Variants in RPS6KL1 observed in about 807,000 individuals in gnomAD.
RPS6KL1 encodes ribosomal protein S6 kinase-like 1.
A neutral mutation model predicts 57.0 loss-of-function variants in RPS6KL1; 41 were observed. The observed-to-expected ratio is 0.72, with a 90% confidence interval of 0.56 to 0.93. The LOEUF is 0.93. Among genes scored for constraint, RPS6KL1 ranks in the 40% least tolerant of loss-of-function variants. The pLI, the probability that RPS6KL1 is intolerant of heterozygous loss-of-function variation, is 0.00. For missense variants in RPS6KL1, 697 were observed against 727.7 expected (o/e 0.96, Z 0.49); for synonymous variants, 287 against 309.7 (o/e 0.93, Z 0.77).
rs1172835077 is a variant in RPS6KL1, at chr14:74,906,403, C to CGGGGGGGGGGGGGGGGG, written c.*610_*611insCCCCCCCCCCCCCCCCC. The CGGGGGGGGGGGGGGGGG allele has an allele frequency of 4.8e-6, 1 of 210,250 alleles. No individual in the cohort carries two copies. The allele number at this position is 210,250 out of a possible 1,614,324, so 13.0% of individuals were successfully genotyped here. The stretch of plus-strand genomic sequence containing the variant: ...CAAGATAGGGGGCATGGTCAGGAAT[C>CGGGGGGGGGGGGGGGGG]GGGGGTGGGGGGGTGGGGGTGGGGG... On this transcript the variant is annotated 3_prime_UTR_variant, in exon 12 of 12. Transcript: ENST00000557413.
intron 3 of RPS6KL1, among the ~76,000 whole-genome samples, chr14:74,920,833 C>T (rs1887711018): frequency 1.3e-5 from 2 of 152,198 alleles, no homozygotes; most frequent in African/African-American, 4.8e-5. Flanking sequence ...GGGCAGGAGC[C>T]CAGCCCAGCT....
chr14:74,922,707 G>A (rs116119860), intron 1 of RPS6KL1, among the ~76,000 whole-genome samples: 1,847 of 152,336 alleles, frequency 0.012, 36 homozygotes, highest in African/African-American at 0.037. Flanking sequence ...GAAGGGAAGG[G>A]GCTCAGAGAG....
At chr14:74,917,642 G>A (rs1359956400) in intron 5 of RPS6KL1, among the ~76,000 whole-genome samples, 2 of 152,172 alleles carry the variant, frequency 1.3e-5, no homozygotes, top group Non-Finnish European at 2.9e-5. Context: ...CTCTAACAAT[G>A]AGTGCCCCGA....
At chr14:74,921,822 G>A (rs1468301419) in intron 2 of RPS6KL1, 156 bp downstream of exon 2, 4 of 1,016,672 alleles carry the variant, frequency 3.9e-6, no homozygotes, top group Non-Finnish European at 5.1e-6. Context: ...ATGTCACCCA[G>A]GCTGGATTGC....
In RPS6KL1 at chr14:74,921,234, C is replaced by A. The variant is rs774482809; in HGVS notation, c.265+43G>T. ...GGTGACAGGAAGAGCCCTGCACTGG[C>A]CCTTCCCCACCCACCCCAGCCCTGC... is the stretch of plus-strand genomic sequence containing the variant. On this transcript the variant is annotated intron_variant, in intron 3 of 11. Transcript: ENST00000557413. 5.5e-5 allele frequency: 48 copies of A among 872,196 alleles called. No homozygotes were observed. In the South Asian group the frequency reaches 6.3e-4, roughly 11 times the overall value. 54.0% of individuals were successfully genotyped at this position (872,196 alleles called of 1,614,324 possible).
chr14:74,922,530 T>G (rs1316999432), intron 1 of RPS6KL1, 45 bp from the exon 2 acceptor site: 1 of 171,336 alleles, frequency 5.8e-6, no homozygotes. Context: ...GGTGCCACGT[T>G]GGATGGGGGG....
At chr14:74,907,674 T>C (rs1451680015) in intron 10 of RPS6KL1, 144 bp from the exon 11 acceptor site, 15 of 757,662 alleles carry the variant, frequency 2.0e-5, no homozygotes, top group Non-Finnish European at 2.7e-5. Flanking sequence ...ACACAGTGCC[T>C]GATGGCTAAG....
rs892237144 is a variant in RPS6KL1 at position 74,905,623 on chromosome 14, T to G, written c.*1391A>C. On this transcript the variant is annotated 3_prime_UTR_variant, in exon 12 of 12. Transcript: ENST00000557413. ...GCCCCAATGAGCCGTGGTCATTGCA[T>G]GGAAGAAGCGAGAACACCGTAGGCC... The G allele has an allele frequency of 3.3e-5, 5 of 152,230 alleles. No homozygotes were observed. The highest frequency in any genetic ancestry group is 5.9e-5 in the Non-Finnish European group (4 of 68,080). 9.4% of individuals were successfully genotyped at this position (152,230 alleles called of 1,614,324 possible). A position where few individuals can be genotyped will look rare whatever the true frequency, so the allele number is the denominator to read the frequency against.
At chr14:74,914,465 A>G (rs931815292) in intron 5 of RPS6KL1, among the ~76,000 whole-genome samples, 1 of 152,242 alleles carries the variant, frequency 6.6e-6, no homozygotes, top group African/African-American at 2.4e-5. Context: ...ACACTGAAAG[A>G]TTTCTGTTAA....
intron 2 of RPS6KL1, 117 bp downstream of exon 2, chr14:74,921,861 T>G (rs933970752): frequency 1.9e-6 from 1 of 533,548 alleles, no homozygotes; most frequent in Non-Finnish European, 2.6e-6. Context: ...CACTGCAACC[T>G]CCACTTCCCA....
chr14:74,921,238 T>TGGCCCCCCCCCCCCCCCCCCC, intron 3 of RPS6KL1, 39 bp downstream of exon 3: 1 of 840,170 alleles, frequency 1.2e-6, no homozygotes, highest in Non-Finnish European at 2.0e-6. Context: ...CACTGGCCCT[T>TGGCCCCCCCCCCCCCCCCCCC]CCCCACCCAC....
chr14:74,909,991 G>A lies in RPS6KL1; in HGVS notation c.822C>T (p.Asp274=), dbSNP rs577118188. ...RLPSGHAPGQ[D]RIALEPPRTS... ...TCCTAGGAGGCTCCAGGGCGATTCT[G>A]TCCTGGCCAGGGGCATGGCCTGAGG... The change falls in exon 8 of 12, where the codon GAC becomes GAT. Residue 274 remains aspartate (D), a synonymous_variant. Transcript: ENST00000557413. 3 of 1,614,116 alleles carry A rather than the reference G, an allele frequency of 1.9e-6. No homozygotes were observed. In the South Asian group the frequency reaches 3.3e-5, roughly 18 times the overall value.
chr14:74,911,229 G>T lies in RPS6KL1; in HGVS notation c.664+19C>A. The T allele has an allele frequency of 6.2e-7, 1 of 1,609,436 alleles. No individual in the cohort carries two copies. ...CCCAAAGGCCTGGGGAGCTGACAGG[G>T]GGCCCCAGGCCTGCTCACCTTGCAC... On this transcript the variant is annotated intron_variant, in intron 7 of 11. Transcript: ENST00000557413.
Position 74,921,520 on chromosome 14 carries a change from A to G in RPS6KL1, c.22T>C (p.Cys8Arg). The change falls in exon 3 of 12, where the codon TGC becomes CGC. Residue 8 changes from cysteine to arginine, a missense_variant. Transcript: ENST00000557413. Reference protein sequence around the residue: MSLVACECLPSPGLEPEP... With the variant: MSLVACERLPSPGLEPEP... ...GGCTCCAGGCCGGGGCTGGGCAGGC[A>G]CTCACAGGCCACCAGGCTCATGGCT... The G allele has an allele frequency of 6.2e-7, 1 of 1,614,024 alleles. No homozygotes were observed. Among genetic ancestry groups the G allele is most frequent in the Non-Finnish European group, 8.5e-7 (1 of 1,180,008 alleles).
chr14:74,909,461 G>T (rs1885519239), intron 8 of RPS6KL1, 82 bp downstream of exon 8: 1 of 1,490,558 alleles, frequency 6.7e-7, no homozygotes. Flanking sequence ...AACCTTGGAG[G>T]TCCCCTCGAC....
In RPS6KL1 at chr14:74,906,886, GGACA is replaced by G; in HGVS notation, c.*124_*127del. ...CTGAGGCCCCAGTGGGAGCCCAGCA[GGACA>G]GACAGTGCCCTCCATTCCTCGCCCA... On this transcript the variant is annotated 3_prime_UTR_variant, in exon 12 of 12. Transcript: ENST00000557413. 1 of 820,084 alleles carries G rather than the reference GGACA, an allele frequency of 1.2e-6. No homozygotes were observed. Among genetic ancestry groups the G allele is most frequent in the Non-Finnish European group, 2.2e-6 (1 of 459,446 alleles). The allele number at this position is 820,084 out of a possible 1,614,324, so 50.8% of individuals were successfully genotyped here. A position where few individuals can be genotyped will look rare whatever the true frequency, so the allele number is the denominator to read the frequency against.
intron 5 of RPS6KL1, among the ~76,000 whole-genome samples, chr14:74,917,121 A>G (rs1566830003): frequency 6.6e-6 from 1 of 152,214 alleles, no homozygotes; most frequent in Non-Finnish European, 1.5e-5. Flanking sequence ...AAGCAGCTGG[A>G]GTAAGGCCCG....
chr14:74,907,496 G>C lies in RPS6KL1; in HGVS notation c.1478C>G (p.Ala493Gly). Residue 493 changes from alanine to glycine, a missense_variant, in exon 11 of 12, where the codon GCC (alanine) becomes GGC (glycine). Ala to Gly is a moderately conservative substitution (Grantham distance 60, BLOSUM62 0). Coordinates refer to ENST00000557413, the MANE Select transcript of RPS6KL1 (RefSeq NM_031464.5). ...LSQSHPSGIQAHTQLQLPEWL... is the reference protein window; with the variant it reads ...LSQSHPSGIQGHTQLQLPEWL... The stretch of plus-strand genomic sequence containing the variant: ...CTCGGGCAGCTGGAGCTGGGTGTGG[G>C]CCTGGATTCCTGAAGGGTGGCTCTG... The C allele has an allele frequency of 6.3e-7, 1 of 1,585,398 alleles. No individual in the cohort carries two copies. Among genetic ancestry groups the C allele is most frequent in the Non-Finnish European group, 8.6e-7 (1 of 1,165,836 alleles).
chr14:74,904,145 G>A lies in RPS6KL1; in HGVS notation c.*2869C>T, dbSNP rs909685227. 2 of 152,236 alleles carry A rather than the reference G, an allele frequency of 1.3e-5. No individual in the cohort carries two copies. Among genetic ancestry groups the A allele is most frequent in the Non-Finnish European group, 2.9e-5 (2 of 68,052 alleles). The allele number at this position is 152,236 out of a possible 1,614,324, so 9.4% of individuals were successfully genotyped here. A position where few individuals can be genotyped will look rare whatever the true frequency, so the allele number is the denominator to read the frequency against. ...AAGATGTACAGTGGTTTGGTCTGGA[G>A]AGGCAGGACAGCTCAAGACCTGGGG... On this transcript the variant is annotated 3_prime_UTR_variant, in exon 12 of 12. Coordinates refer to ENST00000557413, the MANE Select transcript of RPS6KL1 (RefSeq NM_031464.5).
Sources: allele counts gnomAD v4.1 joint callset (sites outside exome capture counted in the v4.1 genomes callset), GRCh38; gene constraint gnomAD v4.1.1; transcripts MANE v1.5; gene names NCBI Gene and HGNC (gene_info 2026-07-23, HGNC 2026-07-21).